Variants in HAPSTR1 observed in about 807,000 individuals in gnomAD.
HAPSTR1 encodes HUWE1-associated protein modifying stress responses 1.
the HAPSTR1 span, among the ~76,000 whole-genome samples, chr16:9,101,443 A>C: frequency 2.0e-5 from 3 of 152,210 alleles, no homozygotes; most frequent in Non-Finnish European, 4.4e-5. Context: ...TGTGATGGAG[A>C]AGATATGAAT....
the HAPSTR1 span, chr16:9,117,661 A>T: frequency 1.3e-5 from 2 of 152,610 alleles, no homozygotes; most frequent in Non-Finnish European, 2.9e-5. Flanking sequence ...ACTACTTCCC[A>T]TGCGGGGTAC....
chr16:9,106,051 T>C, the HAPSTR1 span: 1 of 152,204 alleles, frequency 6.6e-6, no homozygotes, highest in South Asian at 2.1e-4. Flanking sequence ...TCCCCAGTCA[T>C]TGCCCTTGTA....
the HAPSTR1 span, among the ~76,000 whole-genome samples, chr16:9,101,877 C>T: frequency 6.6e-6 from 1 of 152,102 alleles, no homozygotes; most frequent in Non-Finnish European, 1.5e-5. Context: ...ATCCCCAGCA[C>T]TTTGGGAGGC....
the HAPSTR1 span, chr16:9,103,338 G>T: frequency 7.0e-7 from 1 of 1,438,502 alleles, no homozygotes; most frequent in Non-Finnish European, 9.4e-7. Context: ...GTTAGGTTTA[G>T]GTCCAGATAT....
At chr16:9,097,629 C>A in the HAPSTR1 span, among the ~76,000 whole-genome samples, 8 of 152,278 alleles carry the variant, frequency 5.3e-5, no homozygotes, top group South Asian at 1.0e-3. Flanking sequence ...TGTATTGGCT[C>A]CTCTGACTTA....
At chr16:9,114,749 AGATTACACTTGGGT>A in the HAPSTR1 span, among the ~76,000 whole-genome samples, 4 of 152,316 alleles carry the variant, frequency 2.6e-5, no homozygotes, top group South Asian at 8.3e-4. Flanking sequence ...ATAGGAATAT[AGATTACACTTGGGT>A]GGGAGTGCCA....
At chr16:9,099,586 G>A in the HAPSTR1 span, among the ~76,000 whole-genome samples, 1 of 152,216 alleles carries the variant, frequency 6.6e-6, no homozygotes, top group African/African-American at 2.4e-5. Flanking sequence ...TAACCTTCAA[G>A]TATGTGGCTC....
At chr16:9,121,603 G>A in the HAPSTR1 span, 1 of 152,252 alleles carries the variant, frequency 6.6e-6, no homozygotes, top group East Asian at 1.9e-4. Flanking sequence ...GAAATAAATA[G>A]AAAACATAGA....
At chr16:9,105,712 T>A in the HAPSTR1 span, 2 of 152,252 alleles carry the variant, frequency 1.3e-5, no homozygotes, top group African/African-American at 4.8e-5. Context: ...TAGCCAAATT[T>A]ATGAATTCTA....
At chr16:9,117,989 C>G in the HAPSTR1 span, 1 of 152,622 alleles carries the variant, frequency 6.6e-6, no homozygotes, top group South Asian at 2.1e-4. Flanking sequence ...AGTTTGGAAT[C>G]TCATTCTGGA....
At chr16:9,119,853 G>A in the HAPSTR1 span, 1 of 152,084 alleles carries the variant, frequency 6.6e-6, no homozygotes, top group Admixed American at 6.5e-5. Context: ...TGTGGCTTTG[G>A]GCCTGAAGAT....
chr16:9,100,339 C>G, the HAPSTR1 span, among the ~76,000 whole-genome samples: 1 of 152,138 alleles, frequency 6.6e-6, no homozygotes. Flanking sequence ...AACCATTAGT[C>G]CCTTGCAGAT....
chr16:9,099,573 G>A, the HAPSTR1 span, among the ~76,000 whole-genome samples: 4 of 152,184 alleles, frequency 2.6e-5, no homozygotes, highest in African/African-American at 7.2e-5. Context: ...TGTGGAGTTT[G>A]CCTAACCTTC....
At chr16:9,092,080 C>T in the HAPSTR1 span, 2 of 1,539,818 alleles carry the variant, frequency 1.3e-6, no homozygotes, top group South Asian at 1.2e-5. Flanking sequence ...AGGCCGAGAT[C>T]CAGGAGCACG....
At chr16:9,102,951 G>C in the HAPSTR1 span, 2 of 1,604,572 alleles carry the variant, frequency 1.2e-6, no homozygotes, top group African/African-American at 1.3e-5. Context: ...TAATGGTCAT[G>C]ATACATGTTT....
the HAPSTR1 span, chr16:9,106,500 G>C: frequency 6.6e-6 from 1 of 151,878 alleles, no homozygotes. Flanking sequence ...AGCTGGTCTT[G>C]AACACCTGAC....
chr16:9,091,981 G>C, the HAPSTR1 span: 2 of 1,318,762 alleles, frequency 1.5e-6, no homozygotes, highest in South Asian at 3.8e-5. Flanking sequence ...CGACGCTCCC[G>C]CGGGGGCCCC....
At chr16:9,105,560 A>G in the HAPSTR1 span, 2 of 152,238 alleles carry the variant, frequency 1.3e-5, no homozygotes, top group Non-Finnish European at 2.9e-5. Flanking sequence ...CTAGTAACAT[A>G]GATTAGTGAC....
the HAPSTR1 span, among the ~76,000 whole-genome samples, chr16:9,093,524 GT>G: frequency 6.6e-6 from 1 of 152,346 alleles, no homozygotes; most frequent in Non-Finnish European, 1.5e-5. Context: ...AGTCTATATA[GT>G]TTTGAAGTGC....
Sources: allele counts gnomAD v4.1 joint callset (sites outside exome capture counted in the v4.1 genomes callset), GRCh38; gene constraint gnomAD v4.1.1; transcripts MANE v1.5; gene names NCBI Gene and HGNC (gene_info 2026-07-23, HGNC 2026-07-21).